The following UPRT variants were observed in gnomAD, a reference collection of about 807,000 sequenced individuals.
The protein encoded by UPRT is uracil phosphoribosyltransferase homolog.
A neutral mutation model predicts 22.6 loss-of-function variants in UPRT; 5 were observed. That is an observed-to-expected ratio of 0.22 (90% CI 0.12 to 0.47). The LOEUF (loss-of-function observed/expected upper bound fraction) is 0.47, where lower values mean the gene tolerates loss of function less well. Among genes scored for constraint, UPRT ranks in the 20% least tolerant of loss-of-function variants. The probability of loss-of-function intolerance (pLI) is 0.99; values close to 1 mark genes in which losing one functional copy is unlikely to be tolerated. For missense variants in UPRT, 181 were observed against 239.9 expected, an observed-to-expected ratio of 0.75 and a Z score of 1.62; for synonymous variants, 77 against 87.7, an observed-to-expected ratio of 0.88 and a Z score of 0.68.
At chrX:75,202,229 G>C (rs1174281578) in intron 4 of UPRT, among the ~76,000 whole-genome samples, 1 of 110,996 alleles carries the variant, frequency 9.0e-6, no homozygotes, top group Non-Finnish European at 1.9e-5. Flanking sequence ...ATTATAGAAG[G>C]GAAGGGAGGG....
upstream of UPRT, among the ~76,000 whole-genome samples, chrX:75,269,422 A>G (rs905728843): frequency 9.0e-6 from 1 of 111,712 alleles, no homozygotes; most frequent in African/African-American, 3.3e-5. Flanking sequence ...TTCATATGGA[A>G]CCAAAAAAGA....
At chrX:75,253,962 G>A (rs983446101) in intron 4 of UPRT, among the ~76,000 whole-genome samples, 3 of 111,325 alleles carry the variant, frequency 2.7e-5, no homozygotes, top group Non-Finnish European at 3.8e-5. Flanking sequence ...GCCTCACAGG[G>A]GTCTTTCAGA....
chrX:75,202,462 C>G lies in UPRT; in HGVS notation c.-447+34583C>G, dbSNP rs940692785. On this transcript the variant is annotated intron_variant, in intron 4 of 13. Coordinates refer to the UPRT transcript ENST00000652605. Reference sequence around the variant, plus strand: ...ATTTTAAAAAAGAAAAGAAAATGAACTTGGATTAGTTTTAAATCTATATTG... The same window carrying G: ...ATTTTAAAAAAGAAAAGAAAATGAAGTTGGATTAGTTTTAAATCTATATTG... Among the ~76,000 whole-genome samples the G allele has an allele frequency of 2.7e-5, 3 of 111,131 alleles. No homozygotes were observed. The East Asian group carries it at 8.4e-4, about 31-fold the overall frequency.
intron 4 of UPRT, among the ~76,000 whole-genome samples, chrX:75,218,538 G>A (rs1400215165): frequency 6.2e-5 from 6 of 96,912 alleles, no homozygotes; most frequent in Non-Finnish European, 1.0e-4. Flanking sequence ...CCATTACTGG[G>A]TATATACCCA....
rs370477152 is a variant in UPRT at position 75,281,264 on chromosome X, C to G, written c.386+6624C>G. Among the ~76,000 whole-genome samples the G allele has an allele frequency of 7.2e-5, 8 of 111,584 alleles. No homozygotes were observed. In the South Asian group the frequency reaches 3.0e-3, roughly 42 times the overall value. On this transcript the variant is annotated intron_variant, in intron 1 of 6. Transcript: ENST00000373383. ...ATTTGGATGCCCCTTATTTCTTTCT[C>G]TTGTCTGATTGCTCTGGCTAGGACC...
chrX:75,194,735 G>C (rs1377239872), intron 4 of UPRT, among the ~76,000 whole-genome samples: 1 of 111,328 alleles, frequency 9.0e-6, no homozygotes, highest in Non-Finnish European at 1.9e-5. Context: ...TCCGTGCATA[G>C]TTTCTCACCA....
rs891441873 is a variant in UPRT, at chrX:75,274,200, G to A, written c.-55G>A. 1 of 1,156,771 alleles carries A rather than the reference G, an allele frequency of 8.6e-7. No individual in the cohort carries two copies. The highest frequency in any genetic ancestry group is 1.2e-6 in the Non-Finnish European group (1 of 867,284). On this transcript the variant is annotated 5_prime_UTR_variant, in exon 1 of 7. Transcript: ENST00000373383. ...ACGTGAGCATCTGTCCTTTCTACCCGTTCCTCTTTATCTTTAGTGTTCAGT... is the reference window on the plus strand; with the variant it reads ...ACGTGAGCATCTGTCCTTTCTACCCATTCCTCTTTATCTTTAGTGTTCAGT...
chrX:75,272,347 C>CATATATATGTGTGT (rs1569279529), upstream of UPRT, among the ~76,000 whole-genome samples: 1 of 81,379 alleles, frequency 1.2e-5, no homozygotes, highest in African/African-American at 5.6e-5. Context: ...TATATATACA[C>CATATATATGTGTGT]ATATATATAT....
chrX:75,171,525 G>A, intron 4 of UPRT, among the ~76,000 whole-genome samples: 1 of 109,654 alleles, frequency 9.1e-6, no homozygotes, highest in Admixed American at 9.7e-5. Flanking sequence ...CCTTTCTCTG[G>A]TGCCTCCTTG....
chrX:75,187,359 C>G (rs1389237348), intron 4 of UPRT, among the ~76,000 whole-genome samples: 3 of 111,762 alleles, frequency 2.7e-5, no homozygotes, highest in Non-Finnish European at 5.6e-5. Flanking sequence ...CCCCCACTCT[C>G]TTCTGGCTTG....
At chrX:75,205,693 C>A (rs1480932106) in intron 4 of UPRT, among the ~76,000 whole-genome samples, 4 of 111,761 alleles carry the variant, frequency 3.6e-5, no homozygotes, top group Admixed American at 1.9e-4. Flanking sequence ...GAGCAGCCTG[C>A]AATCCAGATG....
chrX:75,292,572 A>T (rs1229476342), intron 1 of UPRT, among the ~76,000 whole-genome samples: 1 of 111,672 alleles, frequency 9.0e-6, no homozygotes, highest in African/African-American at 3.3e-5. Flanking sequence ...TACTGAGATA[A>T]TATGTGTTTG....
chrX:75,297,952 G>A (rs908610946), intron 4 of UPRT, among the ~76,000 whole-genome samples: 1 of 103,355 alleles, frequency 9.7e-6, no homozygotes, highest in Admixed American at 1.1e-4. Flanking sequence ...TATTTCTGTT[G>A]TTGGGCTAAA....
At chrX:75,189,924 C>G (rs1006199427) in intron 4 of UPRT, among the ~76,000 whole-genome samples, 1 of 112,095 alleles carries the variant, frequency 8.9e-6, no homozygotes, top group Non-Finnish European at 1.9e-5. Context: ...GGTCTTGACT[C>G]TTTATCCAAT....
In UPRT at chrX:75,180,681, G is replaced by GTTTTTTTTTT. The variant is rs59522302; in HGVS notation, c.-447+12806_-447+12815dup. 1.4e-4 allele frequency among the ~76,000 whole-genome samples: 6 copies of GTTTTTTTTTT among 43,891 alleles called. 1 individual carries two copies. Among genetic ancestry groups the GTTTTTTTTTT allele is most frequent in the African/African-American group, 1.8e-4 (2 of 10,880 alleles). The allele number at this position is 43,891 out of a possible 115,157, so 38.1% of individuals were successfully genotyped here. ...GTCTTCCATCTTCCCCCTTTTCTCT[G>GTTTTTTTTTT]TTTTTTTTTTTTTGTTTTTTTTTTT... On this transcript the variant is annotated intron_variant, in intron 4 of 13. Transcript: ENST00000652605.
At chrX:75,166,098 G>A (rs777940628) in intron 3 of UPRT, among the ~76,000 whole-genome samples, 3 of 111,535 alleles carry the variant, frequency 2.7e-5, no homozygotes, top group African/African-American at 9.8e-5. Context: ...GAATATCCTC[G>A]GACAAAATGG....
intron 4 of UPRT, among the ~76,000 whole-genome samples, chrX:75,194,500 G>A (rs2082326934): frequency 9.0e-6 from 1 of 111,361 alleles, no homozygotes; most frequent in Admixed American, 9.5e-5. Flanking sequence ...AAGAGTCCTG[G>A]TGGGTTCAGG....
intron 5 of UPRT, among the ~76,000 whole-genome samples, chrX:75,300,295 C>T (rs917208902): frequency 1.8e-5 from 2 of 111,614 alleles, no homozygotes; most frequent in Non-Finnish European, 3.8e-5. Context: ...TCAGACCACA[C>T]TTGGCATGGT....
chrX:75,250,776 T>C (rs948185220), intron 4 of UPRT, among the ~76,000 whole-genome samples: 13 of 111,467 alleles, frequency 1.2e-4, no homozygotes, highest in African/African-American at 4.2e-4. Context: ...AATTTTAGAC[T>C]AATATCCTTA....
Sources: gnomAD v4.1 joint callset for allele counts (sites outside exome capture counted in the v4.1 genomes callset) on GRCh38, gnomAD v4.1.1 for gene constraint, MANE v1.5 for transcripts, NCBI Gene and HGNC (gene_info 2026-07-23, HGNC 2026-07-21) for gene names.